The following POLQ variants were observed in gnomAD, a reference collection of about 807,000 sequenced individuals.
The protein encoded by POLQ is DNA polymerase theta, also known as epididymis secretory sperm binding protein.
POLQ carries 233 observed loss-of-function variants against 259.2 expected under a neutral mutation model. The observed-to-expected ratio is 0.90, with a 90% CI of 0.81 to 1.00. The LOEUF (loss-of-function observed/expected upper bound fraction) is 1.00. Among genes scored for constraint, POLQ ranks in the 50% least tolerant of loss-of-function variants. The pLI is 0.00. For missense variants in POLQ, 2,871 were observed against 3,051.6 expected (o/e 0.94, Z 1.39); for synonymous variants, 1,025 against 1,048.8 (o/e 0.98, Z 0.44).
intron 19 of POLQ, among the ~76,000 whole-genome samples, chr3:121,478,700 C>A (rs13080007): frequency 6.6e-6 from 1 of 151,360 alleles, no homozygotes; most frequent in African/African-American, 2.4e-5. Context: ...GCTATATGAA[C>A]TAATATTAAG....
intron 19 of POLQ, among the ~76,000 whole-genome samples, chr3:121,480,438 T>C (rs2047961408): frequency 6.6e-6 from 1 of 152,170 alleles, no homozygotes; most frequent in Non-Finnish European, 1.5e-5. Context: ...TCTTGAATTC[T>C]ATGAATAAGA....
chr3:121,487,385 C>A lies in POLQ; in HGVS notation c.5546G>T (p.Arg1849Leu). 6.2e-7 allele frequency: 1 copy of A among 1,613,930 alleles called. No homozygotes were observed. The highest frequency in any genetic ancestry group is 8.5e-7 in the Non-Finnish European group (1 of 1,179,920). ...TFIKEWRCKKRFSISLACEKI... is the reference protein window; with the variant it reads ...TFIKEWRCKKLFSISLACEKI... ...TTCACAAGCCAGTGAGATGGAAAAT[C>A]GCTTTTTGCACCGCCACTCCTTAAT... Residue 1849 changes from arginine (R) to leucine (L), a missense_variant, in exon 16 of 30, where the codon CGA becomes CTA. Coordinates refer to ENST00000264233, the MANE Select transcript of POLQ (RefSeq NM_199420.4).
chr3:121,523,752 A>G (rs2048354253), intron 7 of POLQ, among the ~76,000 whole-genome samples: 1 of 152,168 alleles, frequency 6.6e-6, no homozygotes, highest in Non-Finnish European at 1.5e-5. Context: ...AAAGGAAAAT[A>G]AATAAATGTA....
intron 10 of POLQ, among the ~76,000 whole-genome samples, chr3:121,510,729 T>C (rs1339010523): frequency 2.6e-5 from 4 of 152,232 alleles, no homozygotes; most frequent in Non-Finnish European, 4.4e-5. Flanking sequence ...ACTGTAACTG[T>C]TGGTAACACC....
At chr3:121,452,424 C>T (rs1351425722) in intron 25 of POLQ, among the ~76,000 whole-genome samples, 3 of 152,102 alleles carry the variant, frequency 2.0e-5, no homozygotes, top group African/African-American at 4.8e-5. Flanking sequence ...CTGCCCCCCA[C>T]CGCCACGTTT....
chr3:121,463,478 A>T (rs2108785604), intron 24 of POLQ, among the ~76,000 whole-genome samples: 1 of 152,332 alleles, frequency 6.6e-6, no homozygotes, highest in South Asian at 2.1e-4. Flanking sequence ...TATAGATTCT[A>T]TAGGTAACCT....
intron 12 of POLQ, among the ~76,000 whole-genome samples, chr3:121,505,226 T>C (rs114726629): frequency 0.019 from 2,848 of 152,300 alleles, 45 homozygotes; most frequent in Non-Finnish European, 0.032. Context: ...TCTGCCATGA[T>C]TGGAAGCTTT....
intron 9 of POLQ, among the ~76,000 whole-genome samples, chr3:121,514,341 ACAACAACAACAACAATAACC>A (rs2048279088): frequency 6.9e-6 from 1 of 145,484 alleles, no homozygotes; most frequent in African/African-American, 2.5e-5. Context: ...AAAAAAAAAA[ACAACAACAACAACAATAACC>A]AAAAAAAAAA....
At chr3:121,497,020 A>G (rs950260633) in intron 13 of POLQ, 88 bp from the exon 14 acceptor site, 1 of 1,283,528 alleles carries the variant, frequency 7.8e-7, no homozygotes, top group South Asian at 1.3e-5. Flanking sequence ...AGAACTGGAA[A>G]GGCAACAGAG....
rs1383595654 is a variant in POLQ, at chr3:121,513,665, C to CTTTTTTTTTT, written c.1469-1637_1469-1636insAAAAAAAAAA. ...GTCAGCAAGATGGTGGTTTAGGAGG[C>CTTTTTTTTTT]TTTACTACCCCCCTCCCCAGAAGCT... On this transcript the variant is annotated intron_variant, in intron 9 of 29. Coordinates refer to ENST00000264233, the MANE Select transcript of POLQ (RefSeq NM_199420.4). Among the ~76,000 whole-genome samples, 6 of 143,964 alleles carry CTTTTTTTTTT rather than the reference C, an allele frequency of 4.2e-5. No individual in the cohort carries two copies. The East Asian group carries it at 1.3e-3, about 30-fold the overall frequency. 94.4% of individuals were successfully genotyped at this position (143,964 alleles called of 152,430 possible). A position where few individuals can be genotyped will look rare whatever the true frequency, so the allele number is the denominator to read the frequency against.
intron 20 of POLQ, among the ~76,000 whole-genome samples, chr3:121,473,727 C>CTTTTTTTTTTTTTTT (rs10636473): frequency 8.8e-6 from 1 of 114,266 alleles, no homozygotes; most frequent in Non-Finnish European, 1.7e-5. Flanking sequence ...AACACAAGGC[C>CTTTTTTTTTTTTTTT]TTTTTTTTTT....
intron 19 of POLQ, among the ~76,000 whole-genome samples, chr3:121,477,081 A>AATC (rs2108792417): frequency 6.6e-6 from 1 of 152,316 alleles, no homozygotes; most frequent in African/African-American, 2.4e-5. Context: ...AATGCTCCAA[A>AATC]ATCTGAAACT....
chr3:121,511,335 T>C (rs549998249), intron 10 of POLQ, among the ~76,000 whole-genome samples: 2 of 150,412 alleles, frequency 1.3e-5, no homozygotes, highest in South Asian at 2.1e-4. Flanking sequence ...GAGCCAGAGG[T>C]TGCAGTGAGC....
intron 15 of POLQ, among the ~76,000 whole-genome samples, chr3:121,491,932 T>C (rs982999702): frequency 1.3e-5 from 2 of 152,176 alleles, no homozygotes; most frequent in African/African-American, 4.8e-5. Context: ...GAAACCCTAC[T>C]GTGAATTGTA....
chr3:121,529,186 C>T (rs2048393431), intron 7 of POLQ, among the ~76,000 whole-genome samples: 1 of 134,252 alleles, frequency 7.4e-6, no homozygotes, highest in Non-Finnish European at 1.6e-5. Context: ...TAAATGAACG[C>T]ACGCAATTCA....
At chr3:121,517,015 G>C (rs945992329) in intron 9 of POLQ, among the ~76,000 whole-genome samples, 2 of 152,162 alleles carry the variant, frequency 1.3e-5, no homozygotes, top group Admixed American at 6.5e-5. Context: ...CCTTCCAATT[G>C]TTCTTTCCCA....
chr3:121,535,477 A>T (rs2048443407), intron 5 of POLQ, among the ~76,000 whole-genome samples: 1 of 152,074 alleles, frequency 6.6e-6, no homozygotes, highest in Non-Finnish European at 1.5e-5. Context: ...GCACTTTGGG[A>T]GGCCGAGGTG....
Position 121,488,438 on chromosome 3 carries a change from T to C in POLQ, c.4493A>G (p.Tyr1498Cys), listed in dbSNP as rs746827388. Residue 1498 changes from tyrosine (Y) to cysteine (C), a missense_variant, in exon 16 of 30, where the codon TAT (tyrosine) becomes TGT (cysteine). Physicochemically the swap from Tyr to Cys is radical, Grantham distance 194. This residue lies in a region of POLQ where 2,080 missense variants were observed against 2,126.0 expected (regional missense o/e 0.98). Coordinates refer to ENST00000264233, the MANE Select transcript of POLQ (RefSeq NM_199420.4). ...SLLFDSFSDD[Y>C]LVKEQLPDMQ... Reference sequence around the variant, plus strand: ...ATCAGGTAATTGTTCTTTTACTAGATAGTCATCACTGAAGCTATCAAATAG... The same window carrying C: ...ATCAGGTAATTGTTCTTTTACTAGACAGTCATCACTGAAGCTATCAAATAG... 4 of 1,612,088 alleles carry C rather than the reference T, an allele frequency of 2.5e-6. No individual in the cohort carries two copies. The highest frequency in any genetic ancestry group is 2.2e-5 in the South Asian group (2 of 90,552).
chr3:121,480,310 A>C (rs1480587321), intron 19 of POLQ, among the ~76,000 whole-genome samples: 1 of 152,176 alleles, frequency 6.6e-6, no homozygotes, highest in Non-Finnish European at 1.5e-5. Flanking sequence ...TAACAGAAAA[A>C]TTTTAAAAAT....
Sources: allele counts gnomAD v4.1 joint callset (sites outside exome capture counted in the v4.1 genomes callset), GRCh38; gene constraint gnomAD v4.1.1; regional missense constraint gnomAD v4.1.1; transcripts MANE v1.5; gene names NCBI Gene and HGNC (gene_info 2026-07-23, HGNC 2026-07-21).